The following METTL6 variants were observed in gnomAD, a reference collection of about 807,000 sequenced individuals.
METTL6 encodes tRNA N(3)-cytidine methyltransferase METTL6.
In METTL6, 22 loss-of-function variants were observed where a neutral mutation model predicts 26.4. That is an observed-to-expected ratio of 0.83 (90% confidence interval 0.59 to 1.19). METTL6 has a LOEUF of 1.19. Among genes scored for constraint, METTL6 ranks in the 50% most tolerant of loss-of-function variants. The pLI, the probability that METTL6 is intolerant of heterozygous loss-of-function variation, is 0.00. For synonymous variants in METTL6, 109 were observed against 116.2 expected (o/e 0.94, Z 0.40); for missense variants, 304 against 324.8 (o/e 0.94, Z 0.49).
chr3:15,427,584 GCCT>G (rs2061757919), upstream of METTL6: 2 of 582,418 alleles, frequency 3.4e-6, no homozygotes, highest in Admixed American at 6.3e-5. Context: ...CCACGGCCTT[GCCT>G]CCTCAGATTC....
At chr3:15,391,314 G>A (rs1008186679) in intron 6 of METTL6, among the ~76,000 whole-genome samples, 3 of 152,200 alleles carry the variant, frequency 2.0e-5, no homozygotes, top group African/African-American at 7.2e-5. Context: ...AGGCTTAAGG[G>A]TGGGGTTTAC....
chr3:15,384,344 G>T (rs1415509683), intron 6 of METTL6: 3 of 217,406 alleles, frequency 1.4e-5, no homozygotes, highest in Non-Finnish European at 2.8e-5. Flanking sequence ...AAAACCAAGG[G>T]TCACCACACA....
At chr3:15,403,439 A>C (rs1004967080) in intron 6 of METTL6, among the ~76,000 whole-genome samples, 1 of 152,152 alleles carries the variant, frequency 6.6e-6, no homozygotes, top group East Asian at 1.9e-4. Flanking sequence ...TCATGTTCTC[A>C]TCTCCGTGGC....
At chr3:15,425,206 A>G (rs921434197) in intron 2 of METTL6, 117 bp from the exon 3 acceptor site, 2 of 1,084,192 alleles carry the variant, frequency 1.8e-6, no homozygotes, top group Non-Finnish European at 2.7e-6. Flanking sequence ...ACGATCAACA[A>G]GAGAACTAAT....
At chr3:15,400,854 T>C (rs1032886009) in intron 6 of METTL6, among the ~76,000 whole-genome samples, 2 of 152,164 alleles carry the variant, frequency 1.3e-5, no homozygotes. Context: ...TATCCTTTAA[T>C]AATATTTATC....
At chr3:15,414,925 A>C in intron 4 of METTL6, 1 of 1,140,320 alleles carries the variant, frequency 8.8e-7, no homozygotes, top group Non-Finnish European at 1.1e-6. Context: ...CTGTCTCAAA[A>C]ATAAATAAAT....
At chr3:15,402,141 T>G (rs920693568) in intron 6 of METTL6, among the ~76,000 whole-genome samples, 3 of 152,190 alleles carry the variant, frequency 2.0e-5, no homozygotes, top group African/African-American at 7.2e-5. Context: ...ATGGTTCATT[T>G]TGCTTGCTGC....
chr3:15,408,410 A>G (rs1699858954), downstream of METTL6, among the ~76,000 whole-genome samples: 1 of 152,140 alleles, frequency 6.6e-6, no homozygotes, highest in African/African-American at 2.4e-5. Flanking sequence ...TACTTCCTTT[A>G]ATCCTCTGAA....
chr3:15,413,889 C>T (rs1185560546), intron 5 of METTL6, 132 bp downstream of exon 5: 1 of 1,537,102 alleles, frequency 6.5e-7, no homozygotes, highest in Non-Finnish European at 8.7e-7. Context: ...AAATATTGTG[C>T]AGTAGAGGGC....
At position 15,411,163 on chromosome 3, in the gene METTL6, G is replaced by A. The variant is rs1699948761; in HGVS notation, c.*93C>T. 1 of 1,398,026 alleles carries A rather than the reference G, an allele frequency of 7.2e-7. No individual in the cohort carries two copies. Among genetic ancestry groups the A allele is most frequent in the South Asian group, 1.4e-5 (1 of 71,302 alleles). 86.6% of individuals were successfully genotyped at this position (1,398,026 alleles called of 1,614,324 possible). A position where few individuals can be genotyped will look rare whatever the true frequency, so the allele number is the denominator to read the frequency against. The stretch of plus-strand genomic sequence containing the variant: ...CCCAACCTCGGCCTCCCGAAGTGCT[G>A]GGATTACAGGCATGAGCCACCGCAC... On this transcript the variant is annotated 3_prime_UTR_variant, in exon 6 of 6. Coordinates refer to ENST00000383790, the MANE Select transcript of METTL6 (RefSeq NM_152396.4).
At chr3:15,397,655 A>G (rs939572044) in intron 6 of METTL6, among the ~76,000 whole-genome samples, 13 of 152,194 alleles carry the variant, frequency 8.5e-5, no homozygotes, top group Admixed American at 8.5e-4. Flanking sequence ...AGCTAACTTT[A>G]GGAGACATTT....
chr3:15,387,252 T>C (rs769777132), intron 6 of METTL6, among the ~76,000 whole-genome samples: 1 of 152,248 alleles, frequency 6.6e-6, no homozygotes. Flanking sequence ...GCCCTGCTCA[T>C]GTCTGCCTAA....
intron 6 of METTL6, among the ~76,000 whole-genome samples, chr3:15,403,667 G>A (rs1351030913): frequency 6.6e-6 from 1 of 152,144 alleles, no homozygotes; most frequent in Non-Finnish European, 1.5e-5. Context: ...GCATGTTACT[G>A]GGAAGGGATC....
chr3:15,405,338 A>T (rs1049840627), downstream of METTL6, among the ~76,000 whole-genome samples: 1 of 152,236 alleles, frequency 6.6e-6, no homozygotes, highest in Non-Finnish European at 1.5e-5. Flanking sequence ...ACATTAGGTA[A>T]AAGCACCCTT....
At chr3:15,389,849 ATTTTT>A (rs58728599) in intron 6 of METTL6, among the ~76,000 whole-genome samples, 5 of 132,980 alleles carry the variant, frequency 3.8e-5, no homozygotes, top group Admixed American at 1.5e-4. Flanking sequence ...CGCCCGGCCA[ATTTTT>A]TTTTTTTTTT....
At chr3:15,389,423 G>C (rs575610189) in intron 6 of METTL6, among the ~76,000 whole-genome samples, 2 of 152,294 alleles carry the variant, frequency 1.3e-5, no homozygotes, top group African/African-American at 4.8e-5. Flanking sequence ...TATGTAGATA[G>C]AGAAAAAGTC....
rs1318847272 is a variant in METTL6 at position 15,414,128 on chromosome 3, T to C, written c.566A>G (p.Asp189Gly). Residue 189 changes from aspartate (D) to glycine (G), a missense_variant, in exon 5 of 6, where the codon GAC becomes GGC. Transcript: ENST00000383790. ...CATGGCATGATCATACAGTCCGTAG[T>C]CACGAAACAAGACACTTTTGCCTGG... is the stretch of plus-strand genomic sequence containing the variant. ...LKPGKSVLFR[D>G]YGLYDHAMLR... 1 of 1,613,530 alleles carries C rather than the reference T, an allele frequency of 6.2e-7. No individual in the cohort carries two copies. Among genetic ancestry groups the C allele is most frequent in the Non-Finnish European group, 8.5e-7 (1 of 1,179,868 alleles).
At chr3:15,411,560 T>C in intron 5 of METTL6, 123 bp from the exon 6 acceptor site, 1 of 946,950 alleles carries the variant, frequency 1.1e-6, no homozygotes, top group Non-Finnish European at 1.5e-6. Context: ...ACCTCAATGC[T>C]AAAATTTAAA....
At chr3:15,408,366 C>T (rs1168372100), downstream of METTL6, among the ~76,000 whole-genome samples, 2 of 152,078 alleles carry the variant, frequency 1.3e-5, no homozygotes, top group African/African-American at 4.8e-5. Context: ...AAAATGAGGA[C>T]TGAGGGAAAT....
Sources: gnomAD v4.1 joint callset for allele counts (sites outside exome capture counted in the v4.1 genomes callset) on GRCh38, gnomAD v4.1.1 for gene constraint, MANE v1.5 for transcripts, NCBI Gene and HGNC (gene_info 2026-07-23, HGNC 2026-07-21) for gene names.